OPCML: variants seen among roughly 807,000 people sequenced by gnomAD.
The protein encoded by OPCML is opioid-binding protein/cell adhesion molecule.
Under a neutral mutation model 37.8 loss-of-function variants are expected in OPCML, and 13 were observed. The observed-to-expected ratio is 0.34, with a 90% CI of 0.22 to 0.55. OPCML has a LOEUF of 0.55. Among genes scored for constraint, OPCML ranks in the 20% least tolerant of loss-of-function variants. OPCML has a pLI of 0.91. For synonymous variants in OPCML, 176 were observed against 168.8 expected (o/e 1.04, Z -0.33); for missense variants, 341 against 435.6 (o/e 0.78, Z 1.93).
At chr11:133,004,528 G>A in intron 1 of OPCML, 1 of 985,358 alleles carries the variant, frequency 1.0e-6, no homozygotes, top group Non-Finnish European at 1.2e-6. Flanking sequence ...GTCGGCCTTG[G>A]CCATGCACCT....
At chr11:132,873,257 TCTC>T (rs1185959866) in intron 2 of OPCML, among the ~76,000 whole-genome samples, 1 of 152,226 alleles carries the variant, frequency 6.6e-6, no homozygotes, top group Non-Finnish European at 1.5e-5. Flanking sequence ...TCTATTATCT[TCTC>T]CTTTGGTTCA....
At chr11:132,987,015 T>A (rs1034955111) in intron 1 of OPCML, among the ~76,000 whole-genome samples, 58 of 152,202 alleles carry the variant, frequency 3.8e-4, no homozygotes, top group Non-Finnish European at 6.3e-4. Context: ...GCACAGGACT[T>A]CAAGACGGGT....
chr11:132,627,108 G>A (rs940833402), intron 3 of OPCML, among the ~76,000 whole-genome samples: 8 of 151,992 alleles, frequency 5.3e-5, no homozygotes, highest in Non-Finnish European at 7.4e-5. Flanking sequence ...AGAGGGAAAT[G>A]ATTACTGAAT....
chr11:133,295,911 C>T (rs1369060235), intron 1 of OPCML, among the ~76,000 whole-genome samples: 1 of 152,172 alleles, frequency 6.6e-6, no homozygotes, highest in African/African-American at 2.4e-5. Context: ...ACTCCTTTGA[C>T]TTACATTTTG....
intron 1 of OPCML, among the ~76,000 whole-genome samples, chr11:133,500,150 G>A (rs986083905): frequency 2.6e-5 from 4 of 152,048 alleles, no homozygotes; most frequent in Non-Finnish European, 4.4e-5. Flanking sequence ...GTTTACAGGC[G>A]TGAGCCACCG....
intron 2 of OPCML, among the ~76,000 whole-genome samples, chr11:132,701,760 G>T (rs1943826062): frequency 2.2e-5 from 2 of 91,126 alleles, no homozygotes; most frequent in South Asian, 7.5e-4. Context: ...GCAATTTGAT[G>T]ATTGTGTGTG....
At chr11:133,314,751 CTCCATG>C (rs1943163382) in intron 1 of OPCML, among the ~76,000 whole-genome samples, 1 of 152,156 alleles carries the variant, frequency 6.6e-6, no homozygotes, top group African/African-American at 2.4e-5. Flanking sequence ...GACGCTAAGG[CTCCATG>C]TGCCCACGGC....
At chr11:133,121,344 A>G (rs892898963) in intron 1 of OPCML, among the ~76,000 whole-genome samples, 4 of 152,248 alleles carry the variant, frequency 2.6e-5, no homozygotes, top group Admixed American at 2.6e-4. Flanking sequence ...TCTGTCAGTC[A>G]TCAAAACCTA....
At chr11:132,797,145 T>C (rs1368118502) in intron 2 of OPCML, among the ~76,000 whole-genome samples, 1 of 152,222 alleles carries the variant, frequency 6.6e-6, no homozygotes, top group Non-Finnish European at 1.5e-5. Context: ...TTTTGTCACT[T>C]GTGTTTTCAA....
intron 2 of OPCML, among the ~76,000 whole-genome samples, chr11:132,828,564 T>C (rs1565893462): frequency 6.7e-6 from 1 of 150,236 alleles, no homozygotes; most frequent in Non-Finnish European, 1.5e-5. Context: ...AAAAAAAGTC[T>C]ATTTATTTTA....
intron 2 of OPCML, among the ~76,000 whole-genome samples, chr11:132,795,728 A>G (rs1938266793): frequency 6.6e-6 from 1 of 152,172 alleles, no homozygotes; most frequent in Non-Finnish European, 1.5e-5. Context: ...TGCAAAGTCC[A>G]TCCACGCTCC....
intron 1 of OPCML, among the ~76,000 whole-genome samples, chr11:132,986,304 C>A (rs1555070232): frequency 6.6e-6 from 1 of 151,950 alleles, no homozygotes; most frequent in South Asian, 2.1e-4. Context: ...TAAAAACTAC[C>A]TCAAGTAGTT....
chr11:132,682,584 T>A (rs900860797), intron 2 of OPCML, among the ~76,000 whole-genome samples: 1 of 152,154 alleles, frequency 6.6e-6, no homozygotes, highest in South Asian at 2.1e-4. Flanking sequence ...GGTCTGCTTA[T>A]GGCAAACTCA....
intron 1 of OPCML, chr11:133,532,054 CA>C: frequency 2.9e-6 from 1 of 339,086 alleles, no homozygotes; most frequent in Non-Finnish European, 4.2e-6. Context: ...GAACAGAGAG[CA>C]AATCCCGTGC....
chr11:132,956,196 A>C (rs1053059092), intron 1 of OPCML, among the ~76,000 whole-genome samples: 2 of 152,172 alleles, frequency 1.3e-5, no homozygotes, highest in African/African-American at 4.8e-5. Context: ...TTTTGTGCCC[A>C]TACACTACTG....
At chr11:133,432,449 C>A (rs1565630644) in intron 1 of OPCML, among the ~76,000 whole-genome samples, 3 of 152,102 alleles carry the variant, frequency 2.0e-5, no homozygotes, top group African/African-American at 7.2e-5. Flanking sequence ...GATCAAAGCT[C>A]ACTGTGGCCT....
intron 3 of OPCML, among the ~76,000 whole-genome samples, chr11:132,555,534 G>A (rs2096393421): frequency 6.6e-6 from 1 of 152,142 alleles, no homozygotes; most frequent in Non-Finnish European, 1.5e-5. Context: ...TACAATTCAA[G>A]ATGAGATTTG....
intron 1 of OPCML, chr11:133,439,479 C>A: frequency 2.0e-6 from 2 of 977,792 alleles, no homozygotes; most frequent in Non-Finnish European, 2.4e-6. Flanking sequence ...TGTTTTTTTT[C>A]TTTTTTGAGA....
chr11:132,450,943 CAT>C (rs1379487429), intron 4 of OPCML, among the ~76,000 whole-genome samples: 10 of 152,202 alleles, frequency 6.6e-5, no homozygotes, highest in East Asian at 5.8e-4. Flanking sequence ...TGAAAAGTAA[CAT>C]GTGTTCCTTC....
Sources: allele counts gnomAD v4.1 joint callset (sites outside exome capture counted in the v4.1 genomes callset), GRCh38; gene constraint gnomAD v4.1.1; transcripts MANE v1.5; gene names NCBI Gene and HGNC (gene_info 2026-07-23, HGNC 2026-07-21).